The following ACAP2 variants were observed in gnomAD, a reference collection of about 807,000 sequenced individuals.
The protein encoded by ACAP2 is ArfGAP with coiled-coil, ankyrin repeat and PH domains 2.
In ACAP2, 39 loss-of-function variants were observed where a neutral mutation model predicts 115.8. The ratio of observed to expected loss-of-function variants is 0.34; its 90% CI spans 0.26 to 0.44. The LOEUF is 0.44. Among genes scored for constraint, ACAP2 ranks in the 20% least tolerant of loss-of-function variants. The pLI is 1.00. For missense variants in ACAP2, 662 were observed against 927.6 expected (o/e 0.71, Z 3.72); for synonymous variants, 289 against 315.8 (o/e 0.92, Z 0.90).
chr3:195,383,841 C>A (rs920492944), intron 2 of ACAP2, among the ~76,000 whole-genome samples: 6 of 151,888 alleles, frequency 4.0e-5, no homozygotes, highest in Admixed American at 6.6e-5. Flanking sequence ...GAGATAATTA[C>A]CCCCCAAAAA....
intron 1 of ACAP2, among the ~76,000 whole-genome samples, chr3:195,411,528 A>C (rs1713260883): frequency 6.6e-6 from 1 of 152,222 alleles, no homozygotes. Flanking sequence ...TGTTATGTGT[A>C]TTTAAACACA....
intron 1 of ACAP2, among the ~76,000 whole-genome samples, chr3:195,424,646 C>T (rs577831239): frequency 3.6e-4 from 55 of 151,740 alleles, no homozygotes; most frequent in Middle Eastern, 6.8e-3. Flanking sequence ...AGACCAGGTG[C>T]GGTGGTTCAC....
At position 195,289,105 on chromosome 3, in the gene ACAP2, A is replaced by G; in HGVS notation, c.2174+16T>C. On this transcript the variant is annotated intron_variant, in intron 21 of 22. Transcript: ENST00000326793. ...TTCACTGTATGGAAATAGTCAAGTA[A>G]AAAGGAAGTACTTACAAGGTGACTA... 1 of 1,587,908 alleles carries G rather than the reference A, an allele frequency of 6.3e-7. No homozygotes were observed. The highest frequency in any genetic ancestry group is 1.1e-5 in the South Asian group (1 of 87,582).
In ACAP2 at chr3:195,354,217, G is replaced by A. The variant is rs148328849; in HGVS notation, c.286-8900C>T. Among the ~76,000 whole-genome samples, 872 of 152,242 alleles carry A rather than the reference G, an allele frequency of 5.7e-3. 12 individuals carry two copies. The highest frequency in any genetic ancestry group is 0.02 in the African/African-American group (820 of 41,544). ...ATAGTATTCCATAGTGTATATGTAC[G>A]TATGCATTTTCTTTATCCAGTCTAC... is the stretch of plus-strand genomic sequence containing the variant. On this transcript the variant is annotated intron_variant, in intron 4 of 22. Coordinates refer to ENST00000326793, the MANE Select transcript of ACAP2 (RefSeq NM_012287.6).
intron 4 of ACAP2, among the ~76,000 whole-genome samples, chr3:195,373,000 A>AAAAAAAAAAAAAAC: frequency 6.7e-6 from 1 of 149,304 alleles, no homozygotes; most frequent in Non-Finnish European, 1.5e-5. Flanking sequence ...AAAAAAAAAA[A>AAAAAAAAAAAAAAC]AAAAAAAAAA....
chr3:195,395,136 A>C (rs1026951057), intron 1 of ACAP2, among the ~76,000 whole-genome samples: 10 of 144,672 alleles, frequency 6.9e-5, no homozygotes, highest in Non-Finnish European at 1.3e-4. Flanking sequence ...TAAATGATAG[A>C]TATTAATTCT....
At chr3:195,304,189 A>AAAAAAAAAAAAC in intron 13 of ACAP2, among the ~76,000 whole-genome samples, 2 of 150,366 alleles carry the variant, frequency 1.3e-5, no homozygotes, top group Non-Finnish European at 3.0e-5. Flanking sequence ...AAAAAAAAAA[A>AAAAAAAAAAAAC]AAAAAACTTC....
chr3:195,361,031 C>T (rs903702128), intron 4 of ACAP2, among the ~76,000 whole-genome samples: 16 of 150,126 alleles, frequency 1.1e-4, no homozygotes, highest in African/African-American at 2.2e-4. Context: ...GGATCTTCTC[C>T]GACCACAATG....
At chr3:195,421,943 A>G (rs761052476) in intron 1 of ACAP2, among the ~76,000 whole-genome samples, 1 of 152,176 alleles carries the variant, frequency 6.6e-6, no homozygotes, top group Non-Finnish European at 1.5e-5. Context: ...CCTTTGTTAT[A>G]TACATCTTGA....
At chr3:195,357,282 A>G (rs898466529) in intron 4 of ACAP2, among the ~76,000 whole-genome samples, 2 of 152,104 alleles carry the variant, frequency 1.3e-5, no homozygotes, top group African/African-American at 2.4e-5. Flanking sequence ...TTTTGATTTC[A>G]GTACCAGCTT....
chr3:195,302,580 C>G (rs1321918371), intron 13 of ACAP2, among the ~76,000 whole-genome samples: 1 of 151,290 alleles, frequency 6.6e-6, no homozygotes, highest in Non-Finnish European at 1.5e-5. Flanking sequence ...TTAAGCTAGT[C>G]ATTGTTTTTT....
chr3:195,395,522 G>A (rs2108779258), intron 1 of ACAP2, among the ~76,000 whole-genome samples: 1 of 152,276 alleles, frequency 6.6e-6, no homozygotes, highest in African/African-American at 2.4e-5. Context: ...ATAATATTTT[G>A]TGATGCATGA....
intron 9 of ACAP2, chr3:195,326,631 G>C (rs543285663): frequency 2.6e-6 from 1 of 379,716 alleles, no homozygotes; most frequent in East Asian, 4.9e-5. Flanking sequence ...TTTTAGCTTA[G>C]TTAAGTTCCT....
At chr3:195,316,037 C>G (rs1001191851) in intron 10 of ACAP2, among the ~76,000 whole-genome samples, 8 of 152,150 alleles carry the variant, frequency 5.3e-5, no homozygotes, top group Non-Finnish European at 1.2e-4. Flanking sequence ...TTCTTCTTAA[C>G]ATAATGGTAT....
chr3:195,368,003 T>C (rs1389472834), intron 4 of ACAP2, among the ~76,000 whole-genome samples: 3 of 152,244 alleles, frequency 2.0e-5, no homozygotes, highest in African/African-American at 4.8e-5. Context: ...TGACAAGATG[T>C]TGGTAGCCGT....
chr3:195,304,318 A>T (rs1728280820), intron 13 of ACAP2, among the ~76,000 whole-genome samples: 1 of 152,208 alleles, frequency 6.6e-6, no homozygotes, highest in Non-Finnish European at 1.5e-5. Context: ...ATATTACAGA[A>T]ATCATGTTGG....
Position 195,299,483 on chromosome 3 carries a change from C to A in ACAP2, c.1395+2092G>T, listed in dbSNP as rs552960782. Among the ~76,000 whole-genome samples, 290 of 149,946 alleles carry A rather than the reference C, an allele frequency of 1.9e-3. 3 individuals carry two copies. Among genetic ancestry groups the A allele is most frequent in the African/African-American group, 6.7e-3 (275 of 40,760 alleles). ...GTTCCAACCCAGGAGACAGAGGTTG[C>A]AGTGAGCCGAGATTGCACCACTGCA... On this transcript the variant is annotated intron_variant, in intron 15 of 22. Coordinates refer to ENST00000326793, the MANE Select transcript of ACAP2 (RefSeq NM_012287.6).
intron 7 of ACAP2, among the ~76,000 whole-genome samples, chr3:195,334,948 T>G (rs980568726): frequency 5.9e-5 from 9 of 152,128 alleles, no homozygotes; most frequent in Admixed American, 6.5e-5. Context: ...ATAGGTGAAA[T>G]TAATTTATGG....
At chr3:195,345,954 C>G (rs969905572) in intron 4 of ACAP2, among the ~76,000 whole-genome samples, 6 of 152,080 alleles carry the variant, frequency 3.9e-5, no homozygotes, top group Non-Finnish European at 7.4e-5. Flanking sequence ...CGTGGGGATT[C>G]CACCTTTAAT....
Sources: allele counts gnomAD v4.1 joint callset (sites outside exome capture counted in the v4.1 genomes callset), GRCh38; gene constraint gnomAD v4.1.1; transcripts MANE v1.5; gene names NCBI Gene and HGNC (gene_info 2026-07-23, HGNC 2026-07-21).